IMPG1: variants seen among roughly 807,000 people sequenced by gnomAD.
The protein encoded by IMPG1 is interphotoreceptor matrix proteoglycan of 150 kDa.
IMPG1 carries 85 observed loss-of-function variants against 92.0 expected under a neutral mutation model. The observed-to-expected ratio is 0.92, with a 90% CI of 0.78 to 1.11. IMPG1 has a LOEUF of 1.11. Ranked by LOEUF, IMPG1 falls within the 50% of genes least tolerant of loss-of-function variation. IMPG1 has a pLI of 0.00. For synonymous variants in IMPG1, 367 were observed against 334.1 expected (o/e 1.10, Z -1.08); for missense variants, 1,022 against 956.0 (o/e 1.07, Z -0.91).
intron 4 of IMPG1, among the ~76,000 whole-genome samples, chr6:76,027,387 C>A (rs915759424): frequency 1.3e-5 from 2 of 152,174 alleles, no homozygotes; most frequent in African/African-American, 4.8e-5. Context: ...ATTAAAGTAA[C>A]TTACCAGGTT....
chr6:75,968,581 CT>C (rs147668672), intron 12 of IMPG1, among the ~76,000 whole-genome samples: 27 of 147,870 alleles, frequency 1.8e-4, no homozygotes, highest in South Asian at 4.3e-4. Flanking sequence ...AAATTTTAGC[CT>C]TTTTTTTTTA....
chr6:76,031,374 T>C (rs997576773), intron 4 of IMPG1, among the ~76,000 whole-genome samples: 1 of 152,224 alleles, frequency 6.6e-6, no homozygotes, highest in African/African-American at 2.4e-5. Flanking sequence ...TAGCCAATAG[T>C]ATCATGTACA....
At chr6:76,072,386 A>C (rs1431843643) in intron 1 of IMPG1, 36 bp downstream of exon 1, 1 of 1,139,942 alleles carries the variant, frequency 8.8e-7, no homozygotes, top group Admixed American at 1.9e-5. Context: ...GATTTTATAG[A>C]TAAGCAATTT....
At chr6:75,980,581 AGGCTTCTAGCCTTCATCT>A (rs1247381491) in intron 12 of IMPG1, among the ~76,000 whole-genome samples, 1 of 152,198 alleles carries the variant, frequency 6.6e-6, no homozygotes, top group Non-Finnish European at 1.5e-5. Flanking sequence ...TGACTTGCTG[AGGCTTCTAGCCTTCATCT>A]GTCTCCTGTG....
Position 76,018,874 on chromosome 6 carries a change from A to G in IMPG1, c.667-16T>C. 6.4e-7 allele frequency: 1 copy of G among 1,568,482 alleles called. No homozygotes were observed. The highest frequency in any genetic ancestry group is 1.4e-5 in the African/African-American group (1 of 72,408). On this transcript the variant is annotated splice_polypyrimidine_tract_variant and intron_variant, in intron 6 of 16. Transcript: ENST00000369950. ...TTTCTCTTTCCTGAGTTTAAAAAAA[A>G]AAAAAAGGACTTCTGTTAACCTAAA...
chr6:76,069,509 A>T (rs74656790), intron 1 of IMPG1, among the ~76,000 whole-genome samples: 3,552 of 152,232 alleles, frequency 0.023, 162 homozygotes, highest in African/African-American at 0.082. Context: ...ATCTATAAGG[A>T]ACACAAACAA....
intron 12 of IMPG1, among the ~76,000 whole-genome samples, chr6:75,962,193 C>T (rs780958804): frequency 2.0e-5 from 3 of 151,964 alleles, no homozygotes; most frequent in Non-Finnish European, 2.9e-5. Context: ...GATCACGGCT[C>T]ACTGCAGCCT....
At chr6:75,974,330 C>CCTTTT (rs1782474345) in intron 12 of IMPG1, among the ~76,000 whole-genome samples, 1 of 98,212 alleles carries the variant, frequency 1.0e-5, no homozygotes, top group Non-Finnish European at 2.0e-5. Context: ...TCTTTCTTTC[C>CCTTTT]CTTTCTTTCT....
chr6:76,044,144 G>A (rs772024100), intron 1 of IMPG1, among the ~76,000 whole-genome samples: 1 of 152,164 alleles, frequency 6.6e-6, no homozygotes, highest in Non-Finnish European at 1.5e-5. Flanking sequence ...ATTCAATCTA[G>A]GGGCAAAGTG....
intron 12 of IMPG1, among the ~76,000 whole-genome samples, chr6:75,993,233 TCA>T (rs1263104108): frequency 6.6e-6 from 1 of 152,166 alleles, no homozygotes; most frequent in Non-Finnish European, 1.5e-5. Flanking sequence ...CTCGGAAACA[TCA>T]CAGACATATG....
At chr6:76,007,302 ATT>A (rs35430948) in intron 9 of IMPG1, among the ~76,000 whole-genome samples, 176 bp downstream of exon 9, 3 of 148,122 alleles carry the variant, frequency 2.0e-5, no homozygotes. Context: ...TGATAAGAGA[ATT>A]TTTTTTTTTT....
At chr6:75,984,846 C>T (rs2149470929) in intron 12 of IMPG1, among the ~76,000 whole-genome samples, 1 of 152,166 alleles carries the variant, frequency 6.6e-6, no homozygotes, top group Non-Finnish European at 1.5e-5. Context: ...TGGCAACTTC[C>T]CCTACCCTTG....
intron 11 of IMPG1, 47 bp from the exon 12 acceptor site, chr6:76,003,043 A>G (rs1182119317): frequency 6.5e-6 from 9 of 1,386,610 alleles, no homozygotes; most frequent in African/African-American, 1.4e-5. Context: ...GGATGTTTGT[A>G]TGTATATGAG....
intron 7 of IMPG1, among the ~76,000 whole-genome samples, chr6:76,016,491 T>C (rs147041292): frequency 2.4e-3 from 366 of 152,368 alleles, no homozygotes; most frequent in Non-Finnish European, 3.9e-3. Context: ...AGTTTTCTGG[T>C]TCATAAATGC....
chr6:75,979,736 G>T (rs7758955), intron 12 of IMPG1, among the ~76,000 whole-genome samples: 7 of 152,008 alleles, frequency 4.6e-5, no homozygotes, highest in African/African-American at 1.7e-4. Flanking sequence ...ATTACATCAG[G>T]GATATTTTAA....
chr6:75,956,582 C>T (rs1041555695), intron 12 of IMPG1, among the ~76,000 whole-genome samples: 1 of 151,890 alleles, frequency 6.6e-6, no homozygotes, highest in African/African-American at 2.4e-5. Context: ...CTTTTCATGT[C>T]TCTATCTTCT....
chr6:75,987,005 T>A (rs1319730554), intron 12 of IMPG1, among the ~76,000 whole-genome samples: 1 of 152,210 alleles, frequency 6.6e-6, no homozygotes, highest in Non-Finnish European at 1.5e-5. Flanking sequence ...GTTTTTTCTT[T>A]TGTTTTTAGC....
At chr6:75,932,804 G>A (rs918870210) in intron 14 of IMPG1, among the ~76,000 whole-genome samples, 4 of 151,830 alleles carry the variant, frequency 2.6e-5, no homozygotes, top group Non-Finnish European at 5.9e-5. Flanking sequence ...AGGTTCAAGC[G>A]ATTCTCCTGC....
chr6:75,953,095 C>T (rs143236558), intron 12 of IMPG1, among the ~76,000 whole-genome samples: 5 of 151,774 alleles, frequency 3.3e-5, no homozygotes, highest in Admixed American at 6.6e-5. Flanking sequence ...TCTGCTCCTG[C>T]GGGTGATAAG....
Sources: gnomAD v4.1 joint callset for allele counts (sites outside exome capture counted in the v4.1 genomes callset) on GRCh38, gnomAD v4.1.1 for gene constraint, MANE v1.5 for transcripts, NCBI Gene and HGNC (gene_info 2026-07-23, HGNC 2026-07-21) for gene names.